The following DLG2 variants were observed in gnomAD, a reference collection of about 807,000 sequenced individuals.
DLG2 encodes disks large homolog 2.
DLG2 carries 45 observed loss-of-function variants against 132.5 expected under a neutral mutation model. That is an observed-to-expected ratio of 0.34 (90% confidence interval 0.27 to 0.44). The LOEUF (loss-of-function observed/expected upper bound fraction) is 0.44. Ranked by LOEUF, DLG2 falls within the 20% of genes least tolerant of loss-of-function variation. The probability of loss-of-function intolerance (pLI) is 1.00; values close to 1 mark genes in which losing one functional copy is unlikely to be tolerated. For missense variants in DLG2, 1,045 were observed against 1,196.9 expected, an observed-to-expected ratio of 0.87 and a Z score of 1.87; for synonymous variants, 424 against 419.6, an observed-to-expected ratio of 1.01 and a Z score of -0.13.
chr11:85,506,270 T>C (rs2093930971), intron 3 of DLG2, among the ~76,000 whole-genome samples: 3 of 152,210 alleles, frequency 2.0e-5, no homozygotes, highest in Admixed American at 2.0e-4. Flanking sequence ...TTTGAATGTG[T>C]TTGCTCTTGT....
intron 12 of DLG2, among the ~76,000 whole-genome samples, chr11:83,967,460 T>C (rs2090459009): frequency 6.6e-6 from 1 of 152,158 alleles, no homozygotes. Flanking sequence ...CATGGCAGTT[T>C]AGATTTCCAT....
intron 24 of DLG2, 110 bp downstream of exon 24, chr11:83,471,516 G>C: frequency 1.4e-6 from 1 of 738,660 alleles, no homozygotes; most frequent in Admixed American, 2.5e-5. Flanking sequence ...GAAATGGTTG[G>C]TATTTGAATT....
intron 6 of DLG2, among the ~76,000 whole-genome samples, chr11:84,732,393 G>C (rs1458857113): frequency 6.6e-6 from 1 of 151,934 alleles, no homozygotes; most frequent in East Asian, 1.9e-4. Flanking sequence ...CAATGTATGA[G>C]AATTCTAGAT....
chr11:85,560,059 A>G (rs1345094817), intron 3 of DLG2, among the ~76,000 whole-genome samples: 1 of 151,924 alleles, frequency 6.6e-6, no homozygotes, highest in Admixed American at 6.6e-5. Context: ...TCCCTAGAAT[A>G]GCTAGAATTA....
At chr11:84,376,495 C>A (rs10898229) in intron 7 of DLG2, among the ~76,000 whole-genome samples, 1 of 151,678 alleles carries the variant, frequency 6.6e-6, no homozygotes. Context: ...AATTTTGAAT[C>A]CTTACTAAAT....
At chr11:83,887,900 C>T (rs556221531) in intron 15 of DLG2, among the ~76,000 whole-genome samples, 186 of 150,270 alleles carry the variant, frequency 1.2e-3, no homozygotes, top group Non-Finnish European at 1.8e-3. Context: ...AATTCAACAA[C>T]GCTTCATGCT....
chr11:85,241,603 T>G (rs2075881844), intron 4 of DLG2, among the ~76,000 whole-genome samples: 3 of 151,964 alleles, frequency 2.0e-5, no homozygotes, highest in Admixed American at 1.3e-4. Context: ...GATATAAAAT[T>G]CAAAGTTCTG....
intron 18 of DLG2, among the ~76,000 whole-genome samples, chr11:83,723,135 C>T (rs1042054426): frequency 5.3e-5 from 8 of 152,240 alleles, no homozygotes; most frequent in Admixed American, 4.6e-4. Flanking sequence ...AATCCCAGCA[C>T]TTTGGGAGGC....
At chr11:84,888,471 A>C (rs1374865877) in intron 6 of DLG2, among the ~76,000 whole-genome samples, 2 of 152,038 alleles carry the variant, frequency 1.3e-5, no homozygotes, top group Non-Finnish European at 2.9e-5. Context: ...AGGCTTTTGG[A>C]GTGAAATTGA....
At chr11:83,627,730 G>C (rs957720879) in intron 19 of DLG2, among the ~76,000 whole-genome samples, 4 of 152,196 alleles carry the variant, frequency 2.6e-5, no homozygotes, top group Non-Finnish European at 5.9e-5. Context: ...TATATACCCA[G>C]TAATGGGATG....
At chr11:85,438,629 C>A (rs1271084945) in intron 3 of DLG2, among the ~76,000 whole-genome samples, 1 of 152,102 alleles carries the variant, frequency 6.6e-6, no homozygotes, top group Non-Finnish European at 1.5e-5. Context: ...GGCATTGGTA[C>A]CACACAATGA....
chr11:85,079,723 A>G (rs1041346911), intron 6 of DLG2, among the ~76,000 whole-genome samples: 2 of 152,100 alleles, frequency 1.3e-5, no homozygotes, highest in Admixed American at 1.3e-4. Context: ...ACAGGCATTC[A>G]TCAAACCTTA....
chr11:83,525,199 A>G (rs1340240326), intron 21 of DLG2, among the ~76,000 whole-genome samples: 1 of 152,192 alleles, frequency 6.6e-6, no homozygotes, highest in Admixed American at 6.5e-5. Context: ...TTTACATAGG[A>G]CACACCTTAA....
intron 11 of DLG2, among the ~76,000 whole-genome samples, chr11:84,025,036 A>G (rs555774972): frequency 6.6e-6 from 1 of 152,300 alleles, no homozygotes; most frequent in South Asian, 2.1e-4. Flanking sequence ...GTCAGTTGAC[A>G]ATAAAAAATA....
intron 21 of DLG2, among the ~76,000 whole-genome samples, chr11:83,496,093 T>C (rs2094133590): frequency 6.6e-6 from 1 of 151,836 alleles, no homozygotes; most frequent in African/African-American, 2.4e-5. Flanking sequence ...GAAAAGTTTT[T>C]ATTCAAAGTA....
chr11:85,551,737 C>A (rs1368250834), intron 3 of DLG2, among the ~76,000 whole-genome samples: 1 of 151,922 alleles, frequency 6.6e-6, no homozygotes, highest in Non-Finnish European at 1.5e-5. Flanking sequence ...TAAGAGTATT[C>A]CTGTTCAAGC....
At position 84,301,453 on chromosome 11, in the gene DLG2, C is replaced by A. The variant is rs771947233; in HGVS notation, c.520-50162G>T. On this transcript the variant is annotated intron_variant, in intron 7 of 27. Coordinates refer to ENST00000376104, the MANE Select transcript of DLG2 (RefSeq NM_001142699.3). Reference sequence around the variant, plus strand: ...TGGGTGGATCACGAAGTCAGGAGATCGAGACCATCCTGGCTAACATGGTGA... The same window carrying A: ...TGGGTGGATCACGAAGTCAGGAGATAGAGACCATCCTGGCTAACATGGTGA... Among the ~76,000 whole-genome samples the A allele has an allele frequency of 6.1e-4, 93 of 151,664 alleles. 1 individual carries two copies. Among genetic ancestry groups the A allele is most frequent in the Non-Finnish European group, 2.5e-4 (17 of 67,902 alleles).
At chr11:84,705,734 G>C (rs1198475366) in intron 6 of DLG2, among the ~76,000 whole-genome samples, 1 of 151,626 alleles carries the variant, frequency 6.6e-6, no homozygotes, top group Admixed American at 6.6e-5. Context: ...TCCCTCTGCT[G>C]TCATGAAGTG....
chr11:84,920,663 G>A (rs2092709835), intron 6 of DLG2, among the ~76,000 whole-genome samples: 1 of 151,954 alleles, frequency 6.6e-6, no homozygotes, highest in South Asian at 2.1e-4. Flanking sequence ...AATTGTAATA[G>A]ATGAATGAAT....
Sources: allele counts gnomAD v4.1 joint callset (sites outside exome capture counted in the v4.1 genomes callset), GRCh38; gene constraint gnomAD v4.1.1; transcripts MANE v1.5; gene names NCBI Gene and HGNC (gene_info 2026-07-23, HGNC 2026-07-21).